Variants in FNBP1 observed in about 807,000 individuals in gnomAD.
The protein encoded by FNBP1 is formin-binding protein 1.
A neutral mutation model predicts 90.6 loss-of-function variants in FNBP1; 26 were observed. That is an observed-to-expected ratio of 0.29 (90% CI 0.21 to 0.40). The LOEUF is 0.40. Ranked by LOEUF, FNBP1 falls within the 10% of genes least tolerant of loss-of-function variation. The pLI is 1.00. For missense variants in FNBP1, 635 were observed against 768.0 expected, an observed-to-expected ratio of 0.83 and a Z score of 2.05; for synonymous variants, 260 against 265.2, an observed-to-expected ratio of 0.98 and a Z score of 0.19.
chr9:129,926,402 A>G (rs968253661), intron 8 of FNBP1, among the ~76,000 whole-genome samples: 4 of 152,248 alleles, frequency 2.6e-5, no homozygotes, highest in African/African-American at 9.6e-5. Flanking sequence ...GCCCTAAAGC[A>G]GTATTCTCAA....
intron 6 of FNBP1, among the ~76,000 whole-genome samples, chr9:129,948,356 C>CTTTTTTTTT (rs71385491): frequency 6.2e-5 from 4 of 64,430 alleles, no homozygotes; most frequent in African/African-American, 1.4e-4. Context: ...ATTTTGGTGT[C>CTTTTTTTTT]TTTTTTTTTT....
intron 4 of FNBP1, among the ~76,000 whole-genome samples, chr9:129,975,378 A>G (rs1191171218): frequency 6.6e-6 from 1 of 152,240 alleles, no homozygotes; most frequent in African/African-American, 2.4e-5. Flanking sequence ...TCCTCCCAAC[A>G]GAACATCTGA....
chr9:129,976,574 C>T (rs2050339650), intron 4 of FNBP1, among the ~76,000 whole-genome samples: 2 of 152,198 alleles, frequency 1.3e-5, no homozygotes. Flanking sequence ...CAAACACCTT[C>T]CTGCCCAAGC....
chr9:130,036,392 G>A (rs2059313636), intron 1 of FNBP1, among the ~76,000 whole-genome samples: 1 of 152,196 alleles, frequency 6.6e-6, no homozygotes, highest in African/African-American at 2.4e-5. Context: ...CACATAGTAA[G>A]TATAGACACT....
At chr9:129,892,851 G>A (rs1356567662) in intron 16 of FNBP1, among the ~76,000 whole-genome samples, 1 of 151,994 alleles carries the variant, frequency 6.6e-6, no homozygotes, top group Non-Finnish European at 1.5e-5. Context: ...CTTAATGATC[G>A]TACATTTAAA....
At chr9:129,899,324 C>T (rs1223104370) in intron 15 of FNBP1, among the ~76,000 whole-genome samples, 2 of 151,918 alleles carry the variant, frequency 1.3e-5, no homozygotes, top group Non-Finnish European at 2.9e-5. Flanking sequence ...GTGACCTGCC[C>T]GCCTCAGCCT....
chr9:130,030,725 T>G (rs78400266), intron 1 of FNBP1, among the ~76,000 whole-genome samples: 4,502 of 152,312 alleles, frequency 0.03, 84 homozygotes, highest in Non-Finnish European at 0.043. Context: ...TCAGCCAACA[T>G]GAATATTCAG....
the FNBP1 span, among the ~76,000 whole-genome samples, chr9:130,049,707 A>T: frequency 6.6e-6 from 1 of 152,028 alleles, no homozygotes; most frequent in Admixed American, 6.6e-5. Context: ...TCTCAAAAAA[A>T]AATAAAAATA....
intron 4 of FNBP1, among the ~76,000 whole-genome samples, chr9:129,959,237 C>T (rs143727436): frequency 6.6e-6 from 1 of 151,954 alleles, no homozygotes; most frequent in African/African-American, 2.4e-5. Flanking sequence ...GTTGAGGCCG[C>T]AGTGAGCCGT....
chr9:129,993,016 C>G (rs1279251512), intron 2 of FNBP1, among the ~76,000 whole-genome samples: 6 of 150,220 alleles, frequency 4.0e-5, no homozygotes, highest in Admixed American at 4.0e-4. Flanking sequence ...CACTTGAGGT[C>G]AGGAGTTCAA....
At chr9:129,917,701 T>G (rs1588529149) in intron 10 of FNBP1, among the ~76,000 whole-genome samples, 1 of 152,300 alleles carries the variant, frequency 6.6e-6, no homozygotes, top group Non-Finnish European at 1.5e-5. Flanking sequence ...AAAAATAACC[T>G]TTTAAATAAA....
chr9:130,002,979 A>G (rs113153452), intron 1 of FNBP1, among the ~76,000 whole-genome samples: 156 of 152,326 alleles, frequency 1.0e-3, no homozygotes, highest in Non-Finnish European at 2.0e-3. Context: ...TGAAGAGTTG[A>G]ATGAAGAAAG....
At chr9:129,974,198 GA>G (rs967405417) in intron 4 of FNBP1, among the ~76,000 whole-genome samples, 1 of 151,728 alleles carries the variant, frequency 6.6e-6, no homozygotes, top group East Asian at 2.0e-4. Context: ...AAGGTATGTC[GA>G]AAAAAACTCA....
chr9:129,922,936 G>T (rs2131856026), intron 10 of FNBP1, among the ~76,000 whole-genome samples: 1 of 151,966 alleles, frequency 6.6e-6, no homozygotes, highest in African/African-American at 2.4e-5. Context: ...GTACTGGCTG[G>T]TCTTGAACTC....
At chr9:129,910,479 C>A (rs2039041435) in intron 11 of FNBP1, among the ~76,000 whole-genome samples, 2 of 10,606 alleles carry the variant, frequency 1.9e-4, no homozygotes, top group Non-Finnish European at 2.7e-4. Flanking sequence ...GAGACTCCAT[C>A]TCAAAAAAAC....
At chr9:129,905,312 A>ATATATATATT (rs1327228641) in intron 12 of FNBP1, among the ~76,000 whole-genome samples, 107 of 146,412 alleles carry the variant, frequency 7.3e-4, no homozygotes, top group African/African-American at 2.4e-3. Flanking sequence ...ATATATATAT[A>ATATATATATT]TTTTGTTAAT....
intron 1 of FNBP1, among the ~76,000 whole-genome samples, chr9:130,039,884 G>C (rs751933960): frequency 2.8e-4 from 43 of 152,100 alleles, no homozygotes; most frequent in Non-Finnish European, 5.6e-4. Context: ...TGTAAAATCT[G>C]ATAGTATTTG....
intron 11 of FNBP1, among the ~76,000 whole-genome samples, chr9:129,913,664 G>T (rs1402761459): frequency 6.6e-6 from 1 of 151,810 alleles, no homozygotes; most frequent in Non-Finnish European, 1.5e-5. Flanking sequence ...CCAGCTACTC[G>T]AGAAGCTGAG....
chr9:130,019,233 G>A (rs1398804300), intron 1 of FNBP1, among the ~76,000 whole-genome samples: 12 of 151,376 alleles, frequency 7.9e-5, no homozygotes, highest in Admixed American at 5.3e-4. Context: ...TCCAGGAGAC[G>A]GAGGTTGCAG....
Sources: allele counts gnomAD v4.1 joint callset (sites outside exome capture counted in the v4.1 genomes callset), GRCh38; gene constraint gnomAD v4.1.1; transcripts MANE v1.5; gene names NCBI Gene and HGNC (gene_info 2026-07-23, HGNC 2026-07-21).